PITPNC1: variants seen among roughly 807,000 people sequenced by gnomAD.
The protein encoded by PITPNC1 is phosphatidylinositol transfer protein cytoplasmic 1.
In PITPNC1, 18 loss-of-function variants were observed where a neutral mutation model predicts 44.7. The ratio of observed to expected loss-of-function variants is 0.40; its 90% CI spans 0.28 to 0.60. The LOEUF (loss-of-function observed/expected upper bound fraction) is 0.60. Among genes scored for constraint, PITPNC1 ranks in the 20% least tolerant of loss-of-function variants. The pLI, the probability that PITPNC1 is intolerant of heterozygous loss-of-function variation, is 0.39. For missense variants in PITPNC1, 290 were observed against 418.4 expected (o/e 0.69, Z 2.68); for synonymous variants, 141 against 149.6 (o/e 0.94, Z 0.42).
intron 1 of PITPNC1, among the ~76,000 whole-genome samples, chr17:67,463,107 T>C (rs1295023678): frequency 1.3e-5 from 2 of 152,262 alleles, no homozygotes; most frequent in East Asian, 3.8e-4. Flanking sequence ...ATATAGACTG[T>C]GTACATATAT....
chr17:67,598,922 G>T, intron 5 of PITPNC1, among the ~76,000 whole-genome samples: 1 of 146,776 alleles, frequency 6.8e-6, no homozygotes, highest in Non-Finnish European at 1.5e-5. Context: ...TGCTATCTAT[G>T]ATCCAGGAAG....
At chr17:67,446,569 A>G (rs60246375) in intron 1 of PITPNC1, among the ~76,000 whole-genome samples, 7,740 of 150,470 alleles carry the variant, frequency 0.051, 513 homozygotes, top group East Asian at 0.15. Context: ...GAGTGAGCCT[A>G]TTGTTGTCTT....
rs571272051 is a variant in PITPNC1 at position 67,513,489 on chromosome 17, G to GTATA, written c.49-19292_49-19289dup. Among the ~76,000 whole-genome samples the GTATA allele has an allele frequency of 1.7e-3, 231 of 138,652 alleles. 2 individuals carry two copies. The highest frequency in any genetic ancestry group is 2.2e-3 in the African/African-American group (83 of 37,378). The allele number at this position is 138,652 out of a possible 152,430, so 91.0% of individuals were successfully genotyped here. A position where few individuals can be genotyped will look rare whatever the true frequency, so the allele number is the denominator to read the frequency against. The stretch of plus-strand genomic sequence containing the variant: ...ATATTTTTACTATATGTGTGTGTGT[G>GTATA]TATATATATATATATATATATATAG... On this transcript the variant is annotated intron_variant, in intron 1 of 8. Transcript: ENST00000581322.
At chr17:67,488,424 C>T (rs2039814396) in intron 1 of PITPNC1, among the ~76,000 whole-genome samples, 1 of 152,190 alleles carries the variant, frequency 6.6e-6, no homozygotes, top group African/African-American at 2.4e-5. Flanking sequence ...TCAGTCAATC[C>T]TGCAGAACAG....
intron 1 of PITPNC1, among the ~76,000 whole-genome samples, chr17:67,388,634 C>G (rs1489860019): frequency 1.3e-5 from 2 of 150,316 alleles, no homozygotes; most frequent in Non-Finnish European, 3.0e-5. Flanking sequence ...TTGTTTTTTA[C>G]TCTGAGACAT....
At chr17:67,476,846 G>T (rs1171506713) in intron 1 of PITPNC1, among the ~76,000 whole-genome samples, 1 of 152,024 alleles carries the variant, frequency 6.6e-6, no homozygotes, top group Admixed American at 6.5e-5. Flanking sequence ...CTAACCTGCT[G>T]CCTGGGGTTG....
chr17:67,565,034 G>A (rs902393756), intron 4 of PITPNC1, among the ~76,000 whole-genome samples: 2 of 150,226 alleles, frequency 1.3e-5, no homozygotes, highest in South Asian at 2.1e-4. Context: ...GTGTATACTC[G>A]TTTGCCATGT....
intron 5 of PITPNC1, among the ~76,000 whole-genome samples, chr17:67,627,317 G>A (rs936088968): frequency 2.6e-5 from 4 of 152,220 alleles, no homozygotes; most frequent in Non-Finnish European, 4.4e-5. Flanking sequence ...TCCTCAATGT[G>A]ATTTTTTGTG....
rs192287230 is a variant in PITPNC1 at position 67,693,138 on chromosome 17, C to G, written c.*250C>G. The G allele has an allele frequency of 3.7e-4, 150 of 404,448 alleles. No individual in the cohort carries two copies. The East Asian group carries it at 5.7e-3, about 15-fold the overall frequency. The allele number at this position is 404,448 out of a possible 1,614,324, so 25.1% of individuals were successfully genotyped here. On this transcript the variant is annotated 3_prime_UTR_variant, in exon 9 of 9. Coordinates refer to ENST00000581322, the MANE Select transcript of PITPNC1 (RefSeq NM_012417.4). ...TCTTCTGTAACCACATAGCTGTATG[C>G]CAGAGAGGAAGCCTTGTTATTGGGC...
chr17:67,424,694 C>G (rs890430593), intron 1 of PITPNC1, among the ~76,000 whole-genome samples: 3 of 151,894 alleles, frequency 2.0e-5, no homozygotes, highest in Non-Finnish European at 2.9e-5. Flanking sequence ...CAAAACTGAG[C>G]TGAGGAGACA....
At chr17:67,564,923 A>G (rs190145490) in intron 4 of PITPNC1, among the ~76,000 whole-genome samples, 2 of 152,084 alleles carry the variant, frequency 1.3e-5, no homozygotes, top group Non-Finnish European at 2.9e-5. Context: ...ATATTTTCCC[A>G]TGTTTTTCGG....
At chr17:67,386,705 G>T (rs980933818) in intron 1 of PITPNC1, among the ~76,000 whole-genome samples, 14 of 152,180 alleles carry the variant, frequency 9.2e-5, no homozygotes, top group African/African-American at 3.4e-4. Context: ...GCCTGAGTGA[G>T]ATCGCAGCAC....
intron 5 of PITPNC1, among the ~76,000 whole-genome samples, chr17:67,606,741 G>A (rs2041613360): frequency 6.6e-6 from 1 of 151,766 alleles, no homozygotes; most frequent in South Asian, 2.1e-4. Context: ...GAGATTTTAG[G>A]CTCAGGGCCA....
chr17:67,399,265 G>T (rs943622505), intron 1 of PITPNC1, among the ~76,000 whole-genome samples: 1 of 151,968 alleles, frequency 6.6e-6, no homozygotes, highest in Non-Finnish European at 1.5e-5. Flanking sequence ...TGCTCACCTC[G>T]GCCTCCCAAA....
intron 1 of PITPNC1, among the ~76,000 whole-genome samples, chr17:67,382,664 G>A (rs976802111): frequency 9.2e-5 from 14 of 151,976 alleles, no homozygotes; most frequent in African/African-American, 3.1e-4. Context: ...TCGCTCTGTC[G>A]CCCAGGCTGG....
intron 4 of PITPNC1, among the ~76,000 whole-genome samples, chr17:67,573,974 A>C (rs900756540): frequency 6.6e-6 from 1 of 152,152 alleles, no homozygotes; most frequent in African/African-American, 2.4e-5. Flanking sequence ...ATTTTTTAAG[A>C]CTGTGTCTCT....
chr17:67,451,966 T>G (rs1037444148), intron 1 of PITPNC1, among the ~76,000 whole-genome samples: 2 of 150,972 alleles, frequency 1.3e-5, no homozygotes, highest in Non-Finnish European at 2.9e-5. Context: ...AACATAAAGT[T>G]TTTGAGTTCA....
At chr17:67,465,042 A>T (rs1486945740) in intron 1 of PITPNC1, among the ~76,000 whole-genome samples, 2 of 152,064 alleles carry the variant, frequency 1.3e-5, no homozygotes, top group Non-Finnish European at 2.9e-5. Flanking sequence ...CCCGGCCACA[A>T]CTCTCACTTT....
intron 1 of PITPNC1, among the ~76,000 whole-genome samples, chr17:67,495,040 GTTTTTTTTTTTGTTTT>G (rs1465501451): frequency 1.4e-3 from 89 of 64,720 alleles, no homozygotes; most frequent in East Asian, 3.8e-3. Context: ...CCATGGAGTT[GTTTTTTTTTTTGTTTT>G]TTTTTTTTTT....
Sources: gnomAD v4.1 joint callset for allele counts (sites outside exome capture counted in the v4.1 genomes callset) on GRCh38, gnomAD v4.1.1 for gene constraint, MANE v1.5 for transcripts, NCBI Gene and HGNC (gene_info 2026-07-23, HGNC 2026-07-21) for gene names.